Variants in ASB5 observed in about 807,000 individuals in gnomAD.
The protein encoded by ASB5 is ankyrin repeat and SOCS box containing 5.
ASB5 carries 45 observed loss-of-function variants against 42.1 expected under a neutral mutation model. The ratio of observed to expected loss-of-function variants is 1.07; its 90% confidence interval spans 0.84 to 1.37. ASB5 has a LOEUF of 1.37. ASB5 is among the 40% of genes most tolerant of loss of function. The pLI is 0.00. For synonymous variants in ASB5, 147 were observed against 150.6 expected (o/e 0.98, Z 0.18); for missense variants, 402 against 399.8 (o/e 1.01, Z -0.05).
In ASB5 at chr4:176,238,206, C is replaced by CAAAAA. The variant is rs3060874; in HGVS notation, c.197-12870_197-12866dup. Reference sequence around the variant, plus strand: ...TGGGCGACAGAAGGAGACTCCGTCTCAAAAAAAAAAAAAAAAAAAAAGTGC... The same window carrying CAAAAA: ...TGGGCGACAGAAGGAGACTCCGTCTCAAAAAAAAAAAAAAAAAAAAAAAAAAGTGC... On this transcript the variant is annotated intron_variant, in intron 1 of 6. Transcript: ENST00000296525. Among the ~76,000 whole-genome samples the CAAAAA allele has an allele frequency of 1.1e-4, 11 of 101,162 alleles. 1 individual carries two copies. Among genetic ancestry groups the CAAAAA allele is most frequent in the African/African-American group, 2.7e-4 (7 of 25,718 alleles). The allele number at this position is 101,162 out of a possible 152,430, so 66.4% of individuals were successfully genotyped here.
chr4:176,238,149 G>A (rs1363368643), intron 1 of ASB5, among the ~76,000 whole-genome samples: 1 of 150,464 alleles, frequency 6.6e-6, no homozygotes, highest in African/African-American at 2.4e-5. Flanking sequence ...CTTGAACCCG[G>A]GAGGCAGAGA....
intron 1 of ASB5, among the ~76,000 whole-genome samples, chr4:176,251,844 T>G (rs976996457): frequency 4.0e-5 from 6 of 151,418 alleles, no homozygotes; most frequent in African/African-American, 1.5e-4. Context: ...GGAGGATCAC[T>G]TAAGCCCAGG....
upstream of ASB5, among the ~76,000 whole-genome samples, chr4:176,274,165 A>G (rs771934979): frequency 6.6e-6 from 1 of 152,222 alleles, no homozygotes; most frequent in Non-Finnish European, 1.5e-5. Flanking sequence ...AATTCAGCCA[A>G]TAAAAAGAAA....
At chr4:176,268,247 C>A (rs1754395834) in intron 1 of ASB5, among the ~76,000 whole-genome samples, 1 of 152,152 alleles carries the variant, frequency 6.6e-6, no homozygotes, top group African/African-American at 2.4e-5. Flanking sequence ...TTTCATACTA[C>A]AATTTCTTCT....
rs1189194014 is a variant in ASB5 at position 176,216,833 on chromosome 4, A to T, written c.847T>A (p.Leu283Met). Residue 283 changes from leucine to methionine, a missense_variant, in exon 6 of 7, where the codon TTG becomes ATG. Physicochemically the swap from Leu to Met is conservative, Grantham distance 15. Transcript: ENST00000296525. ...TTTTTCTTACCTTCATGTTGAAGCA[A>T]TATCCTTTCCACCATACTGCTAGAC... ...ATSSSMVERI[L>M]LQHEATPSSL... 1.9e-6 allele frequency: 3 copies of T among 1,591,790 alleles called. No homozygotes were observed. The African/African-American group carries it at 4.1e-5, about 22-fold the overall frequency.
At chr4:176,271,070 C>A (rs929691369), upstream of ASB5, among the ~76,000 whole-genome samples, 4 of 152,150 alleles carry the variant, frequency 2.6e-5, no homozygotes, top group African/African-American at 9.7e-5. Flanking sequence ...ATCATCGGTG[C>A]ATTAAGTTTA....
chr4:176,218,218 GATATAAATATATATATATTTGTATGAT>G (rs1561249975), intron 5 of ASB5, among the ~76,000 whole-genome samples: 64 of 29,152 alleles, frequency 2.2e-3, no homozygotes, highest in African/African-American at 8.0e-3. Context: ...ATATTTGTAT[GATATAAATATATATATATTTGTATGAT>G]ATATAAATAT....
rs200442347 is a variant in ASB5 at position 176,269,087 on chromosome 4, G to A, written c.22C>T (p.Arg8Trp). MSVLEEN[R>W]PFAQQLSNVY... is the part of the protein sequence containing the mutation. ...TTGGATAATTGTTGAGCAAACGGCCGATTTTCTTCTAACACCGACATTGCT... is the reference window on the plus strand; with the variant it reads ...TTGGATAATTGTTGAGCAAACGGCCAATTTTCTTCTAACACCGACATTGCT... Residue 8 changes from arginine to tryptophan, a missense_variant, in exon 1 of 7, where the codon CGG (arginine) becomes TGG (tryptophan). By Grantham distance (101) the Arg-to-Trp change is moderately radical (BLOSUM62 -3). Transcript: ENST00000296525. 8 of 1,609,874 alleles carry A rather than the reference G, an allele frequency of 5.0e-6. No homozygotes were observed. Among genetic ancestry groups the A allele is most frequent in the Admixed American group, 1.7e-5 (1 of 59,492 alleles).
Position 176,215,690 on chromosome 4 carries a change from A to G in ASB5, c.900T>C (p.Cys300=). Residue 300 remains cysteine, a synonymous_variant, in exon 7 of 7, where the codon TGT becomes TGC. Coordinates refer to ENST00000296525, the MANE Select transcript of ASB5 (RefSeq NM_080874.4). The stretch of plus-strand genomic sequence containing the variant: ...TTGGTTTTCCTATGTAGCTTCGGAT[A>G]CAGAGTCGGCAAAGTTGGTAAAGAG... ...PSSLYQLCRL[C]IRSYIGKPRL... The G allele has an allele frequency of 6.2e-7, 1 of 1,613,182 alleles. No homozygotes were observed. The highest frequency in any genetic ancestry group is 8.5e-7 in the Non-Finnish European group (1 of 1,179,396).
chr4:176,217,795 A>G (rs1184316964), intron 5 of ASB5, among the ~76,000 whole-genome samples: 3 of 152,070 alleles, frequency 2.0e-5, no homozygotes, highest in African/African-American at 7.2e-5. Flanking sequence ...TTTCTGGTAC[A>G]TAAACGGTTA....
At chr4:176,230,908 G>A (rs886803618) in intron 1 of ASB5, among the ~76,000 whole-genome samples, 5 of 152,084 alleles carry the variant, frequency 3.3e-5, no homozygotes, top group African/African-American at 1.2e-4. Context: ...TAACTCTTTA[G>A]GATAAATTAT....
At chr4:176,273,893 TG>T (rs773894425), upstream of ASB5, among the ~76,000 whole-genome samples, 19 of 152,206 alleles carry the variant, frequency 1.2e-4, no homozygotes, top group Non-Finnish European at 2.6e-4. Context: ...TAGAATGAAA[TG>T]TTAGGAATTT....
upstream of ASB5, among the ~76,000 whole-genome samples, chr4:176,269,563 G>A (rs1009159690): frequency 6.6e-6 from 1 of 152,152 alleles, no homozygotes; most frequent in African/African-American, 2.4e-5. Context: ...TGTAGACCAT[G>A]AGCTAAATCA....
intron 5 of ASB5, among the ~76,000 whole-genome samples, chr4:176,217,758 T>C (rs111418560): frequency 0.011 from 1,705 of 152,206 alleles, 33 homozygotes; most frequent in African/African-American, 0.039. Context: ...AAATGCTGTT[T>C]AGTACTGTTA....
intron 4 of ASB5, 44 bp from the exon 5 acceptor site, chr4:176,221,333 C>G (rs570156844): frequency 5.4e-5 from 87 of 1,607,446 alleles, no homozygotes; most frequent in Non-Finnish European, 1.7e-6. Flanking sequence ...GCCCATCCAC[C>G]CCACACACCT....
chr4:176,261,016 C>T (rs758030688), intron 1 of ASB5, among the ~76,000 whole-genome samples: 2 of 152,164 alleles, frequency 1.3e-5, no homozygotes, highest in Non-Finnish European at 2.9e-5. Context: ...CAAATGCTTT[C>T]TGTCTTTTTA....
intron 5 of ASB5, among the ~76,000 whole-genome samples, chr4:176,220,123 C>A (rs1283385933): frequency 6.6e-6 from 1 of 152,136 alleles, no homozygotes; most frequent in Non-Finnish European, 1.5e-5. Flanking sequence ...CGCATGGGGC[C>A]CACAGGCCGC....
At chr4:176,222,576 G>T (rs6830358) in intron 2 of ASB5, among the ~76,000 whole-genome samples, 156 bp from the exon 3 acceptor site, 33,937 of 152,090 alleles carry the variant, frequency 0.22, 3,958 homozygotes, top group African/African-American at 0.29. Context: ...AAATGCCATA[G>T]GGTCAATCCG....
chr4:176,235,025 T>G (rs1384437), intron 1 of ASB5, among the ~76,000 whole-genome samples: 28,772 of 152,118 alleles, frequency 0.19, 2,785 homozygotes, highest in East Asian at 0.26. Context: ...TCCGTTCTTT[T>G]GAATGTCCAG....
Sources: allele counts gnomAD v4.1 joint callset (sites outside exome capture counted in the v4.1 genomes callset), GRCh38; gene constraint gnomAD v4.1.1; transcripts MANE v1.5; gene names NCBI Gene and HGNC (gene_info 2026-07-23, HGNC 2026-07-21).